The following MTMR14 variants were observed in gnomAD, a reference collection of about 807,000 sequenced individuals.
MTMR14 encodes phosphatidylinositol-3,5-bisphosphate 3-phosphatase MTMR14.
MTMR14 carries 48 observed loss-of-function variants against 86.3 expected under a neutral mutation model. The observed-to-expected ratio is 0.56, with a 90% CI of 0.44 to 0.71. The LOEUF is 0.71. MTMR14 is among the 30% of genes least tolerant of loss of function. MTMR14 has a pLI of 0.00. For missense variants in MTMR14, 780 were observed against 834.6 expected, an observed-to-expected ratio of 0.93 and a Z score of 0.81; for synonymous variants, 366 against 326.1, an observed-to-expected ratio of 1.12 and a Z score of -1.32.
At position 9,688,725 on chromosome 3, in the gene MTMR14, G is replaced by A. The variant is rs754385036; in HGVS notation, c.1265G>A (p.Gly422Asp). ...RRKSLPARDGGFTLEDICMLR... is the reference protein window; with the variant it reads ...RRKSLPARDGDFTLEDICMLR... ...AAGAGTTTGCCAGCCCGGGATGGAG[G>A]CTTCACCCTGGAAGACATCTGCATG... The change falls in exon 15 of 19, where the codon GGC becomes GAC. Residue 422 changes from glycine (G) to aspartate (D), a missense_variant. Physicochemically the swap from Gly to Asp is moderately conservative, Grantham distance 94 (BLOSUM62 -1). Transcript: ENST00000296003. 3 of 1,614,180 alleles carry A rather than the reference G, an allele frequency of 1.9e-6. No individual in the cohort carries two copies. Among genetic ancestry groups the A allele is most frequent in the Admixed American group, 1.7e-5 (1 of 60,018 alleles).
At chr3:9,678,231 T>G (rs939793460) in intron 9 of MTMR14, among the ~76,000 whole-genome samples, 173 bp downstream of exon 9, 5 of 152,226 alleles carry the variant, frequency 3.3e-5, no homozygotes, top group African/African-American at 1.2e-4. Flanking sequence ...TCCGTTCAAC[T>G]ATCTCCTGAT....
chr3:9,692,876 T>G (rs1401115487), intron 17 of MTMR14, among the ~76,000 whole-genome samples: 1 of 152,182 alleles, frequency 6.6e-6, no homozygotes, highest in Non-Finnish European at 1.5e-5. Context: ...TGCTTGTGGG[T>G]GGGAGCAGGG....
intron 1 of MTMR14, among the ~76,000 whole-genome samples, chr3:9,653,150 G>T (rs548851569): frequency 6.6e-6 from 1 of 152,140 alleles, no homozygotes; most frequent in East Asian, 1.9e-4. Flanking sequence ...CAGGAGAATC[G>T]CTTGAACCCC....
intron 7 of MTMR14, 49 bp downstream of exon 7, chr3:9,672,807 G>T (rs1194274609): frequency 6.4e-7 from 1 of 1,559,552 alleles, no homozygotes; most frequent in Admixed American, 1.7e-5. Context: ...GGGGACCTTG[G>T]GGGCCATGAG....
At chr3:9,661,954 G>A (rs1314894275) in intron 2 of MTMR14, among the ~76,000 whole-genome samples, 2 of 151,906 alleles carry the variant, frequency 1.3e-5, no homozygotes, top group Non-Finnish European at 2.9e-5. Flanking sequence ...AGGTGTGGTG[G>A]CTCACACCTG....
chr3:9,691,616 G>T (rs943829894), intron 17 of MTMR14, among the ~76,000 whole-genome samples: 5 of 152,094 alleles, frequency 3.3e-5, no homozygotes, highest in Non-Finnish European at 7.4e-5. Context: ...CCCATCACCC[G>T]TTACCACACC....
chr3:9,669,435 G>A lies in MTMR14; in HGVS notation c.497G>A (p.Gly166Asp). 6.2e-7 allele frequency: 1 copy of A among 1,613,990 alleles called. No individual in the cohort carries two copies. Among genetic ancestry groups the A allele is most frequent in the Non-Finnish European group, 8.5e-7 (1 of 1,179,902 alleles). The change falls in exon 5 of 19, where the codon GGT (glycine) becomes GAT (aspartate). Residue 166 changes from glycine to aspartate, a missense_variant. Coordinates refer to ENST00000296003, the MANE Select transcript of MTMR14 (RefSeq NM_001077525.3). ...GACAGATAGGTTTCTCTGGCAGGGG[G>A]TGCAGATGATGCCTGGGCAGATGTG... Reference protein sequence around the residue: ...RSGYNYFFSGGADDAWADVED... With the variant: ...RSGYNYFFSGDADDAWADVED...
chr3:9,672,635 G>T, intron 6 of MTMR14, 50 bp from the exon 7 acceptor site: 1 of 1,467,468 alleles, frequency 6.8e-7, no homozygotes, highest in Non-Finnish European at 9.6e-7. Flanking sequence ...AATGGTGTGT[G>T]TTTGTGTGTG....
chr3:9,696,309 C>T (rs758723927), intron 17 of MTMR14, among the ~76,000 whole-genome samples: 2 of 152,130 alleles, frequency 1.3e-5, no homozygotes, highest in Non-Finnish European at 2.9e-5. Context: ...ACCAGCCTGG[C>T]CAACATGGTG....
chr3:9,672,793 G>A, intron 7 of MTMR14, 35 bp downstream of exon 7: 1 of 1,600,464 alleles, frequency 6.2e-7, no homozygotes, highest in Non-Finnish European at 8.6e-7. Flanking sequence ...GGCATCCTAG[G>A]ACTGGGGACC....
Position 9,672,766 on chromosome 3 carries a change from G to C in MTMR14, c.751+8G>C. ...TCTCCATCCCGTATCCAGGTAGGGG[G>C]CTCTCTTCTAGTGGCAGGCATCCTA... is the stretch of plus-strand genomic sequence containing the variant. On this transcript the variant is annotated splice_region_variant and intron_variant, in intron 7 of 18. Transcript: ENST00000296003. 6.2e-7 allele frequency: 1 copy of C among 1,613,910 alleles called. No individual in the cohort carries two copies. The highest frequency in any genetic ancestry group is 2.2e-5 in the East Asian group (1 of 44,890).
Position 9,680,642 on chromosome 3 carries a change from G to A in MTMR14, c.898-2536G>A, listed in dbSNP as rs191246845. ...GGGCAGATCACGAGGGCAGGAGATC[G>A]AGACCATCGTGGCTAACACAGTGAA... On this transcript the variant is annotated intron_variant, in intron 9 of 18. Transcript: ENST00000296003. 6.6e-3 allele frequency among the ~76,000 whole-genome samples: 1,002 copies of A among 152,220 alleles called. 9 individuals carry two copies. The highest frequency in any genetic ancestry group is 0.022 in the African/African-American group (908 of 41,524).
chr3:9,658,591 A>G (rs1326748618), intron 2 of MTMR14, among the ~76,000 whole-genome samples: 2 of 152,254 alleles, frequency 1.3e-5, no homozygotes, highest in Non-Finnish European at 2.9e-5. Flanking sequence ...CCATGGGCCC[A>G]GTGGCTACCC....
intron 9 of MTMR14, 75 bp downstream of exon 9, chr3:9,678,133 C>G: frequency 6.7e-7 from 1 of 1,482,824 alleles, no homozygotes; most frequent in Admixed American, 1.7e-5. Flanking sequence ...GCCTGCCCCA[C>G]AAGGCCCTCG....
intron 1 of MTMR14, 137 bp downstream of exon 1, chr3:9,649,879 C>G: frequency 1.3e-6 from 2 of 1,530,992 alleles, no homozygotes; most frequent in South Asian, 1.2e-5. Context: ...GAGGAGTTCT[C>G]CAGGGTCTGT....
chr3:9,687,747 G>C (rs759740774), intron 13 of MTMR14, 74 bp from the exon 14 acceptor site: 12 of 1,293,896 alleles, frequency 9.3e-6, no homozygotes, highest in Non-Finnish European at 1.3e-5. Context: ...TGACCTGAGT[G>C]GCTGGCCGCC....
intron 10 of MTMR14, chr3:9,683,677 G>C (rs2075844530): frequency 5.3e-6 from 1 of 190,108 alleles, no homozygotes; most frequent in Admixed American, 5.4e-5. Flanking sequence ...GATGGGCCTG[G>C]CTTGCTCAAT....
intron 1 of MTMR14, among the ~76,000 whole-genome samples, chr3:9,652,678 C>G (rs1380521014): frequency 6.9e-6 from 1 of 145,298 alleles, no homozygotes; most frequent in Non-Finnish European, 1.5e-5. Context: ...GCCTGGGTGA[C>G]AGAGCAAGAC....
chr3:9,673,193 G>A (rs2048667697), intron 7 of MTMR14, among the ~76,000 whole-genome samples: 1 of 152,230 alleles, frequency 6.6e-6, no homozygotes, highest in Non-Finnish European at 1.5e-5. Flanking sequence ...CCCTTTGGGT[G>A]CATGTCTTGA....
Sources: allele counts gnomAD v4.1 joint callset (sites outside exome capture counted in the v4.1 genomes callset), GRCh38; gene constraint gnomAD v4.1.1; transcripts MANE v1.5; gene names NCBI Gene and HGNC (gene_info 2026-07-23, HGNC 2026-07-21).